TOGARAM1: variants seen among roughly 807,000 people sequenced by gnomAD.
TOGARAM1 encodes the protein TOG array regulator of axonemal microtubules 1, also known as TOG array regulator of axonemal microtubules protein 1.
Under a neutral mutation model 166.6 loss-of-function variants are expected in TOGARAM1, and 100 were observed. The observed-to-expected ratio is 0.60, with a 90% CI of 0.51 to 0.71. TOGARAM1 has a LOEUF of 0.71. TOGARAM1 is among the 30% of genes least tolerant of loss of function. The pLI, the probability that TOGARAM1 is intolerant of heterozygous loss-of-function variation, is 0.00. For missense variants in TOGARAM1, 2,029 were observed against 2,102.7 expected (o/e 0.96, Z 0.69); for synonymous variants, 758 against 763.8 (o/e 0.99, Z 0.13).
chr14:44,983,107 G>A (rs559727608), intron 1 of TOGARAM1, among the ~76,000 whole-genome samples: 41 of 152,236 alleles, frequency 2.7e-4, no homozygotes, highest in African/African-American at 9.6e-4. Flanking sequence ...TAAACATGCC[G>A]ACTCTGTGTC....
At chr14:45,064,584 C>G (rs1000182490) in intron 16 of TOGARAM1, among the ~76,000 whole-genome samples, 1 of 152,100 alleles carries the variant, frequency 6.6e-6, no homozygotes. Flanking sequence ...TGTCCTCCCA[C>G]CTTAGCCTCC....
chr14:44,972,441 T>G (rs1457157974), intron 1 of TOGARAM1, among the ~76,000 whole-genome samples: 2 of 152,212 alleles, frequency 1.3e-5, no homozygotes, highest in African/African-American at 4.8e-5. Flanking sequence ...TTCTGCCTGC[T>G]GGATCTGTCC....
chr14:44,990,728 G>A (rs1455009515), intron 1 of TOGARAM1, among the ~76,000 whole-genome samples: 6 of 152,126 alleles, frequency 3.9e-5, no homozygotes, highest in African/African-American at 1.4e-4. Context: ...TTTTATGGGT[G>A]TGGTTAGCTG....
intron 1 of TOGARAM1, among the ~76,000 whole-genome samples, chr14:44,965,029 C>T (rs1365635843): frequency 6.6e-6 from 1 of 150,898 alleles, no homozygotes; most frequent in Non-Finnish European, 1.5e-5. Context: ...ATTTTCCCCC[C>T]AAAGCTTTTA....
At chr14:45,015,339 T>C (rs1880063894) in intron 7 of TOGARAM1, among the ~76,000 whole-genome samples, 1 of 149,728 alleles carries the variant, frequency 6.7e-6, no homozygotes, top group Non-Finnish European at 1.5e-5. Context: ...AATAAATAAA[T>C]AAATAAATAA....
intron 11 of TOGARAM1, among the ~76,000 whole-genome samples, chr14:45,043,384 G>T (rs1159532878): frequency 5.9e-5 from 9 of 151,948 alleles, no homozygotes; most frequent in African/African-American, 2.2e-4. Context: ...CACCATGTTG[G>T]CCTGGCTGGT....
chr14:45,013,615 T>C (rs1239597852), intron 7 of TOGARAM1, among the ~76,000 whole-genome samples: 2 of 152,262 alleles, frequency 1.3e-5, no homozygotes, highest in Admixed American at 6.5e-5. Context: ...TTCCCTCATC[T>C]GACAACATAA....
chr14:44,963,152 C>A lies in TOGARAM1; in HGVS notation c.731C>A (p.Thr244Asn). ...TALLLPILLT[T>N]EDLLLGLDLT... is the part of the protein sequence containing the mutation. ...CTACTGCTTCCCATCTTGCTTACTA[C>A]TGAGGACTTGTTGCTTGGTCTGGAT... The change falls in exon 1 of 20, where the codon ACT becomes AAT. Residue 244 changes from threonine (T) to asparagine (N), a missense_variant. By Grantham distance (65) the Thr-to-Asn change is moderately conservative. Coordinates refer to ENST00000361462, the MANE Select transcript of TOGARAM1 (RefSeq NM_001308120.2). 1 of 1,614,214 alleles carries A rather than the reference C, an allele frequency of 6.2e-7. No homozygotes were observed. Among genetic ancestry groups the A allele is most frequent in the Non-Finnish European group, 8.5e-7 (1 of 1,180,034 alleles).
At chr14:45,023,671 C>T (rs145074506) in intron 7 of TOGARAM1, among the ~76,000 whole-genome samples, 3 of 152,146 alleles carry the variant, frequency 2.0e-5, no homozygotes, top group South Asian at 4.1e-4. Context: ...AAAGAAAAGT[C>T]TTGCCCCGTT....
At chr14:44,979,933 G>A (rs973804647) in intron 1 of TOGARAM1, among the ~76,000 whole-genome samples, 5 of 152,050 alleles carry the variant, frequency 3.3e-5, no homozygotes, top group African/African-American at 9.7e-5. Flanking sequence ...CTTAGTATGT[G>A]ATTCCTTTGG....
rs1456112487 is a variant in TOGARAM1, at chr14:45,025,675, G to A, written c.3239-108G>A. On this transcript the variant is annotated intron_variant, in intron 7 of 19. Transcript: ENST00000361462. ...CGTGTGAATAAATTGTAAATTCTTTGTATGAAATAAATTTTCAGTTTTAAA... is the reference window on the plus strand; with the variant it reads ...CGTGTGAATAAATTGTAAATTCTTTATATGAAATAAATTTTCAGTTTTAAA... 32 of 582,998 alleles carry A rather than the reference G, an allele frequency of 5.5e-5. No individual in the cohort carries two copies. The East Asian group carries it at 9.3e-4, about 17-fold the overall frequency. The allele number at this position is 582,998 out of a possible 1,614,324, so 36.1% of individuals were successfully genotyped here. A position where few individuals can be genotyped will look rare whatever the true frequency, so the allele number is the denominator to read the frequency against.
chr14:44,987,228 T>C (rs1000958579), intron 1 of TOGARAM1, among the ~76,000 whole-genome samples: 4 of 151,760 alleles, frequency 2.6e-5, no homozygotes, highest in Non-Finnish European at 5.9e-5. Flanking sequence ...TGTGAGCCAC[T>C]GTGCCCAGCC....
At chr14:45,015,814 C>G (rs3510) in intron 7 of TOGARAM1, among the ~76,000 whole-genome samples, 3,386 of 152,152 alleles carry the variant, frequency 0.022, 70 homozygotes, top group Non-Finnish European at 0.033. Flanking sequence ...ATACTGAGCT[C>G]TTTATCCCTA....
Position 44,964,331 on chromosome 14 carries a change from A to G in TOGARAM1, c.1910A>G (p.Tyr637Cys), listed in dbSNP as rs775470225. The part of the protein sequence containing the change: ...GDHVRDSMHI[Y>C]GSYSPTICTR... ...CACGTGAGGGATAGCATGCACATTT[A>G]TGGATCTTACAGCCCAACTATCTGT... is the stretch of plus-strand genomic sequence containing the variant. Residue 637 changes from tyrosine (Y) to cysteine (C), a missense_variant, in exon 1 of 20, where the codon TAT becomes TGT. Tyr to Cys is a radical substitution (Grantham distance 194). This residue lies in a region of TOGARAM1 where 1,453 missense variants were observed against 1,432.2 expected (regional missense o/e 1.01). Transcript: ENST00000361462. The G allele has an allele frequency of 6.8e-6, 11 of 1,614,200 alleles. No individual in the cohort carries two copies. In the South Asian group the frequency reaches 1.2e-4, roughly 18 times the overall value.
rs1479453618 is a variant in TOGARAM1 at position 44,983,790 on chromosome 14, T to C, written c.2047-11956T>C. ...ATTTAATTTTCTTTTTAAAATTATATTGTGATGCATGAAGAGTTTTAAAAA... is the reference window on the plus strand; with the variant it reads ...ATTTAATTTTCTTTTTAAAATTATACTGTGATGCATGAAGAGTTTTAAAAA... On this transcript the variant is annotated intron_variant, in intron 1 of 19. Transcript: ENST00000361462. 9.2e-5 allele frequency among the ~76,000 whole-genome samples: 14 copies of C among 152,228 alleles called. 1 individual carries two copies. Among genetic ancestry groups the C allele is most frequent in the Non-Finnish European group, 2.1e-4 (14 of 68,036 alleles).
At chr14:45,054,141 G>T (rs1882516899) in intron 15 of TOGARAM1, among the ~76,000 whole-genome samples, 1 of 152,138 alleles carries the variant, frequency 6.6e-6, no homozygotes, top group Admixed American at 6.5e-5. Flanking sequence ...AAAGTGCTGG[G>T]ATTACAGGTG....
intron 11 of TOGARAM1, among the ~76,000 whole-genome samples, chr14:45,036,890 C>G (rs143394738): frequency 8.5e-5 from 13 of 152,312 alleles, no homozygotes; most frequent in Non-Finnish European, 1.6e-4. Context: ...TTTAACAGTT[C>G]CACATGACTG....
rs1885305638 is a variant in TOGARAM1 at position 44,963,273 on chromosome 14, G to A, written c.852G>A (p.Gly284=). 2 of 1,614,000 alleles carry A rather than the reference G, an allele frequency of 1.2e-6. No individual in the cohort carries two copies. Among genetic ancestry groups the A allele is most frequent in the East Asian group, 2.2e-5 (1 of 44,880 alleles). Residue 284 remains glycine, a synonymous_variant, in exon 1 of 20, where the codon GGG becomes GGA. Transcript: ENST00000361462. ...CTTTCTCCGCACTTCAACAAATTGG[G>A]GAGCGACTTGGCCAAGACAGGTTTC... ...ETAFSALQQI[G]ERLGQDRFQS...
At chr14:44,970,906 A>G (rs1885851421) in intron 1 of TOGARAM1, among the ~76,000 whole-genome samples, 1 of 152,120 alleles carries the variant, frequency 6.6e-6, no homozygotes. Context: ...GTGGTGTGTT[A>G]TTCATTTTGT....
Sources: allele counts gnomAD v4.1 joint callset (sites outside exome capture counted in the v4.1 genomes callset), GRCh38; gene constraint gnomAD v4.1.1; regional missense constraint gnomAD v4.1.1; transcripts MANE v1.5; gene names NCBI Gene and HGNC (gene_info 2026-07-23, HGNC 2026-07-21).